Variants in LARGE1 observed in about 807,000 individuals in gnomAD.
The protein encoded by LARGE1 is xylosyl- and glucuronyltransferase LARGE1.
Under a neutral mutation model 87.6 loss-of-function variants are expected in LARGE1, and 43 were observed. The observed-to-expected ratio is 0.49, with a 90% CI of 0.38 to 0.63. The LOEUF is 0.63. Among genes scored for constraint, LARGE1 ranks in the 30% least tolerant of loss-of-function variants. The pLI is 0.00. For synonymous variants in LARGE1, 434 were observed against 394.6 expected (o/e 1.10, Z -1.18); for missense variants, 802 against 1,000.2 (o/e 0.80, Z 2.67).
intron 2 of LARGE1, among the ~76,000 whole-genome samples, chr22:33,685,858 C>T (rs139391727): frequency 8.5e-4 from 130 of 152,318 alleles, no homozygotes; most frequent in Non-Finnish European, 3.2e-4. Context: ...GTGTGTCACA[C>T]TCTCCTTAGT....
exon 12 of LARGE1, chr22:33,163,367 A>G (rs1042141241): frequency 6.6e-6 from 1 of 152,226 alleles, no homozygotes; most frequent in Non-Finnish European, 1.5e-5. Flanking sequence ...TAGGAAAAAA[A>G]CCAGTTTCCA....
At chr22:33,317,163 G>A (rs910460967) in intron 10 of LARGE1, among the ~76,000 whole-genome samples, 6 of 152,162 alleles carry the variant, frequency 3.9e-5, no homozygotes, top group Admixed American at 3.9e-4. Flanking sequence ...GCAGTGAGCT[G>A]AGATCGCACC....
chr22:33,324,355 AGGGTTT>A (rs1937058708), intron 10 of LARGE1, among the ~76,000 whole-genome samples: 2 of 143,980 alleles, frequency 1.4e-5, no homozygotes, highest in South Asian at 5.0e-4. Context: ...CTTTTCACCC[AGGGTTT>A]GGGTAATTTC....
At chr22:33,747,220 G>A (rs1188127924) in intron 2 of LARGE1, among the ~76,000 whole-genome samples, 5 of 152,120 alleles carry the variant, frequency 3.3e-5, no homozygotes, top group African/African-American at 1.2e-4. Flanking sequence ...GGAGAGGAGA[G>A]CAAGGAATGA....
At chr22:33,475,576 C>A (rs982250919) in intron 6 of LARGE1, among the ~76,000 whole-genome samples, 1 of 151,916 alleles carries the variant, frequency 6.6e-6, no homozygotes, top group Non-Finnish European at 1.5e-5. Context: ...ATTCTCCTGC[C>A]TCAGCCTCCC....
chr22:33,698,545 A>C (rs1482385909), intron 2 of LARGE1, among the ~76,000 whole-genome samples: 1 of 152,180 alleles, frequency 6.6e-6, no homozygotes, highest in African/African-American at 2.4e-5. Flanking sequence ...CCTAGCCTCA[A>C]GCGATCTGCC....
chr22:33,427,448 A>G (rs1297223689), intron 7 of LARGE1, among the ~76,000 whole-genome samples: 2 of 152,252 alleles, frequency 1.3e-5, no homozygotes, highest in Non-Finnish European at 2.9e-5. Context: ...GGCTTTGGAA[A>G]AGCAGACTGG....
At chr22:33,916,705 C>T (rs970695300) in intron 1 of LARGE1, among the ~76,000 whole-genome samples, 3 of 152,142 alleles carry the variant, frequency 2.0e-5, no homozygotes, top group Non-Finnish European at 2.9e-5. Flanking sequence ...AATCTCTAGC[C>T]AAAAAGACAC....
At chr22:33,372,761 A>G (rs1353054605) in intron 9 of LARGE1, among the ~76,000 whole-genome samples, 2 of 152,202 alleles carry the variant, frequency 1.3e-5, no homozygotes, top group African/African-American at 2.4e-5. Context: ...TTGATGAATG[A>G]AATTACAAGG....
intron 2 of LARGE1, among the ~76,000 whole-genome samples, chr22:33,694,730 G>C (rs1377101513): frequency 6.6e-6 from 1 of 152,086 alleles, no homozygotes; most frequent in Non-Finnish European, 1.5e-5. Flanking sequence ...AGGGGGAAGG[G>C]AGGGAGTAGG....
At chr22:33,857,739 A>C (rs1191774830) in intron 1 of LARGE1, among the ~76,000 whole-genome samples, 1 of 152,232 alleles carries the variant, frequency 6.6e-6, no homozygotes, top group East Asian at 1.9e-4. Flanking sequence ...CCTCCAGGAA[A>C]CAACAGATGC....
the LARGE1 span, chr22:33,110,686 C>T: frequency 6.6e-6 from 1 of 152,212 alleles, no homozygotes; most frequent in Non-Finnish European, 1.5e-5. Context: ...AATTTGGTTC[C>T]AAGTCCAAGT....
chr22:33,072,847 A>G, the LARGE1 span, among the ~76,000 whole-genome samples: 9 of 152,302 alleles, frequency 5.9e-5, no homozygotes, highest in East Asian at 1.7e-3. Flanking sequence ...TCTCCGGTCC[A>G]GCTCATGCCA....
At chr22:33,330,655 T>G (rs1407322596) in intron 10 of LARGE1, among the ~76,000 whole-genome samples, 1 of 152,234 alleles carries the variant, frequency 6.6e-6, no homozygotes. Context: ...CAGGGAGAGA[T>G]GCCCAAACTA....
At chr22:33,098,938 G>A in the LARGE1 span, among the ~76,000 whole-genome samples, 1 of 152,168 alleles carries the variant, frequency 6.6e-6, no homozygotes, top group South Asian at 2.1e-4. Context: ...AGGCCTAAGA[G>A]GCCTAGAATA....
chr22:33,853,708 A>G (rs1267208392), intron 1 of LARGE1, among the ~76,000 whole-genome samples: 1 of 152,238 alleles, frequency 6.6e-6, no homozygotes, highest in African/African-American at 2.4e-5. Flanking sequence ...CCTTTCCCAC[A>G]TGTGCTGAGT....
chr22:33,413,027 T>C lies in LARGE1; in HGVS notation c.892+19134A>G, dbSNP rs186136887. On this transcript the variant is annotated intron_variant, in intron 7 of 14. Coordinates refer to ENST00000397394, the MANE Select transcript of LARGE1 (RefSeq NM_133642.5). ...ATTTCCTAAAAATTTAACAATAGGCTTTCACTAGCAGATGTGAGCTAGGAC... is the reference window on the plus strand; with the variant it reads ...ATTTCCTAAAAATTTAACAATAGGCCTTCACTAGCAGATGTGAGCTAGGAC... 3.9e-5 allele frequency among the ~76,000 whole-genome samples: 6 copies of C among 152,326 alleles called. No homozygotes were observed. The East Asian group carries it at 7.7e-4, about 20-fold the overall frequency.
At chr22:33,714,263 G>A (rs2082845408) in intron 2 of LARGE1, among the ~76,000 whole-genome samples, 1 of 152,084 alleles carries the variant, frequency 6.6e-6, no homozygotes, top group South Asian at 2.1e-4. Flanking sequence ...GGAAAAATGA[G>A]GAGCCCCTCG....
At chr22:33,137,857 GA>G in the LARGE1 span, among the ~76,000 whole-genome samples, 2 of 152,204 alleles carry the variant, frequency 1.3e-5, no homozygotes, top group African/African-American at 4.8e-5. Flanking sequence ...AAGATATATG[GA>G]AACCCCTGGA....
Sources: gnomAD v4.1 joint callset for allele counts (sites outside exome capture counted in the v4.1 genomes callset) on GRCh38, gnomAD v4.1.1 for gene constraint, MANE v1.5 for transcripts, NCBI Gene and HGNC (gene_info 2026-07-23, HGNC 2026-07-21) for gene names.